EYA2: variants seen among roughly 807,000 people sequenced by gnomAD.
EYA2 encodes protein phosphatase EYA2.
Under a neutral mutation model 69.2 loss-of-function variants are expected in EYA2, and 31 were observed. The observed-to-expected ratio is 0.45, with a 90% confidence interval of 0.34 to 0.60. EYA2 has a LOEUF of 0.60. EYA2 is among the 20% of genes least tolerant of loss of function. The probability of loss-of-function intolerance (pLI) is 0.02; values close to 1 mark genes in which losing one functional copy is unlikely to be tolerated. For synonymous variants in EYA2, 257 were observed against 279.4 expected (o/e 0.92, Z 0.80); for missense variants, 622 against 701.2 (o/e 0.89, Z 1.28).
Position 47,016,296 on chromosome 20 carries a change from C to G in EYA2, c.414C>G (p.His138Gln), listed in dbSNP as rs765007512. ...TGQSPYTYQM[H>Q]GTTGFYQGGN... ...AGAGCCCATACACCTACCAGATGCA[C>G]GGTCAGTGTGGCGCTGTGGCCCCTT... is the stretch of plus-strand genomic sequence containing the variant. Residue 138 changes from histidine to glutamine, a missense_variant and splice_region_variant, in exon 5 of 16, where the codon CAC becomes CAG. Transcript: ENST00000327619. 1 of 1,611,838 alleles carries G rather than the reference C, an allele frequency of 6.2e-7. No homozygotes were observed. Among genetic ancestry groups the G allele is most frequent in the Non-Finnish European group, 8.5e-7 (1 of 1,177,860 alleles).
chr20:47,156,759 G>A (rs1044270101), intron 10 of EYA2, among the ~76,000 whole-genome samples: 1 of 151,986 alleles, frequency 6.6e-6, no homozygotes, highest in African/African-American at 2.4e-5. Context: ...CTCCCAGGGA[G>A]TAGACTCCTC....
chr20:47,091,799 G>A (rs767460282), intron 8 of EYA2, among the ~76,000 whole-genome samples: 1 of 152,112 alleles, frequency 6.6e-6, no homozygotes, highest in Non-Finnish European at 1.5e-5. Context: ...ACTAGGAAAG[G>A]ACAATGAGAG....
chr20:47,024,208 T>C (rs370214860), intron 5 of EYA2, among the ~76,000 whole-genome samples: 1 of 152,214 alleles, frequency 6.6e-6, no homozygotes, highest in African/African-American at 2.4e-5. Flanking sequence ...CTATAAATAC[T>C]TTTGAGCTTT....
chr20:46,959,639 C>T (rs1256633063), intron 1 of EYA2, among the ~76,000 whole-genome samples: 3 of 138,634 alleles, frequency 2.2e-5, no homozygotes, highest in Admixed American at 7.8e-5. Context: ...AACGTGCACA[C>T]ATGCACGCAC....
At chr20:46,940,048 C>A (rs2146261547) in intron 1 of EYA2, among the ~76,000 whole-genome samples, 1 of 152,164 alleles carries the variant, frequency 6.6e-6, no homozygotes, top group South Asian at 2.1e-4. Context: ...GTGCGAGGAT[C>A]TTGCAAAGAT....
chr20:47,095,884 A>T (rs2032232650), intron 8 of EYA2: 1 of 152,226 alleles, frequency 6.6e-6, no homozygotes, highest in Admixed American at 6.5e-5. Context: ...TGGGATCCAG[A>T]AAACAGTGGA....
chr20:47,183,718 T>C (rs1194868194), intron 15 of EYA2, among the ~76,000 whole-genome samples: 1 of 152,168 alleles, frequency 6.6e-6, no homozygotes, highest in Non-Finnish European at 1.5e-5. Flanking sequence ...TAATACTTAC[T>C]GATCATATGT....
At chr20:47,163,753 G>A (rs890120855) in intron 10 of EYA2, among the ~76,000 whole-genome samples, 3 of 150,118 alleles carry the variant, frequency 2.0e-5, no homozygotes, top group Admixed American at 6.6e-5. Context: ...CTGCTGGGTA[G>A]GATTCCACTG....
At chr20:47,045,297 G>A (rs1168153382) in intron 5 of EYA2, among the ~76,000 whole-genome samples, 1 of 152,150 alleles carries the variant, frequency 6.6e-6, no homozygotes, top group African/African-American at 2.4e-5. Flanking sequence ...TCTTCCTCCA[G>A]ATATCCAACC....
intron 14 of EYA2, among the ~76,000 whole-genome samples, chr20:47,181,981 T>C (rs2034546038): frequency 6.6e-6 from 1 of 152,170 alleles, no homozygotes; most frequent in African/African-American, 2.4e-5. Context: ...TTAATTGTGG[T>C]AAAATTAAAT....
chr20:47,033,376 T>C (rs542239512), intron 5 of EYA2, among the ~76,000 whole-genome samples: 1 of 152,350 alleles, frequency 6.6e-6, no homozygotes, highest in South Asian at 2.1e-4. Flanking sequence ...GCCAATGCAC[T>C]GTGAACATTG....
At chr20:47,065,209 T>A (rs2031065007) in intron 5 of EYA2, among the ~76,000 whole-genome samples, 1 of 152,098 alleles carries the variant, frequency 6.6e-6, no homozygotes, top group South Asian at 2.1e-4. Flanking sequence ...CAAGATGAGA[T>A]TTGGGTGGGG....
intron 1 of EYA2, among the ~76,000 whole-genome samples, chr20:46,945,501 G>A (rs1432241942): frequency 5.9e-5 from 9 of 152,290 alleles, no homozygotes; most frequent in Non-Finnish European, 8.8e-5. Context: ...CCACAGTTGC[G>A]CTGCTTAGTG....
chr20:47,178,409 T>C, intron 12 of EYA2, among the ~76,000 whole-genome samples: 1 of 149,262 alleles, frequency 6.7e-6, no homozygotes. Flanking sequence ...GAAGATGAGA[T>C]AAAAGAGTGG....
chr20:47,015,183 T>C (rs1983334267), intron 4 of EYA2, among the ~76,000 whole-genome samples: 2 of 152,168 alleles, frequency 1.3e-5, no homozygotes, highest in African/African-American at 4.8e-5. Flanking sequence ...GGGTTTGAGG[T>C]CAGGGATAGG....
At chr20:46,900,186 G>A (rs7274151) in intron 1 of EYA2, among the ~76,000 whole-genome samples, 7,605 of 152,160 alleles carry the variant, frequency 0.05, 227 homozygotes, top group African/African-American at 0.08. Flanking sequence ...TCATTCAGAG[G>A]AGAATTGTCA....
chr20:47,009,502 A>G (rs756547987), intron 4 of EYA2, among the ~76,000 whole-genome samples: 1 of 152,244 alleles, frequency 6.6e-6, no homozygotes, highest in African/African-American at 2.4e-5. Context: ...GAGTAATACT[A>G]TGACACCTAT....
chr20:46,929,152 C>CAA (rs11329475), intron 1 of EYA2, among the ~76,000 whole-genome samples: 17 of 98,270 alleles, frequency 1.7e-4, no homozygotes, highest in Non-Finnish European at 3.2e-4. Flanking sequence ...ATAAGTTGTG[C>CAA]AAAAAAAAAA....
chr20:47,082,229 A>G (rs1238116530), intron 7 of EYA2, among the ~76,000 whole-genome samples: 2 of 152,230 alleles, frequency 1.3e-5, no homozygotes, highest in Non-Finnish European at 2.9e-5. Flanking sequence ...ACAGTTAAAT[A>G]TAATAATTTT....
Sources: allele counts gnomAD v4.1 joint callset (sites outside exome capture counted in the v4.1 genomes callset), GRCh38; gene constraint gnomAD v4.1.1; transcripts MANE v1.5; gene names NCBI Gene and HGNC (gene_info 2026-07-23, HGNC 2026-07-21).